The following MDGA1 variants were observed in gnomAD, a reference collection of about 807,000 sequenced individuals.
MDGA1 encodes MAM domain containing glycosylphosphatidylinositol anchor 1.
MDGA1 carries 54 observed loss-of-function variants against 101.5 expected under a neutral mutation model. That is an observed-to-expected ratio of 0.53 (90% CI 0.43 to 0.67). The LOEUF is 0.67. MDGA1 is among the 30% of genes least tolerant of loss of function. MDGA1 has a pLI of 0.00. For synonymous variants in MDGA1, 533 were observed against 558.3 expected (o/e 0.95, Z 0.64); for missense variants, 1,083 against 1,323.8 (o/e 0.82, Z 2.82).
chr6:37,694,662 G>A (rs907115457), intron 1 of MDGA1, among the ~76,000 whole-genome samples: 1 of 99,496 alleles, frequency 1.0e-5, no homozygotes, highest in African/African-American at 5.0e-5. Flanking sequence ...GCGACCTCCT[G>A]TCATCCTCCT....
chr6:37,671,714 G>A lies in MDGA1; in HGVS notation c.68-7608C>T, dbSNP rs529284644. 5.3e-5 allele frequency among the ~76,000 whole-genome samples: 8 copies of A among 152,246 alleles called. No individual in the cohort carries two copies. In the South Asian group the frequency reaches 1.7e-3, roughly 32 times the overall value. ...CCAAAGAGAATTCTCACTGTAATGG[G>A]GGAATTTCATCAAAGACCCCCATCC... is the stretch of plus-strand genomic sequence containing the variant. On this transcript the variant is annotated intron_variant, in intron 1 of 16. Transcript: ENST00000434837.
chr6:37,694,487 T>C (rs1178812599), intron 1 of MDGA1, among the ~76,000 whole-genome samples: 1 of 152,172 alleles, frequency 6.6e-6, no homozygotes, highest in African/African-American at 2.4e-5. Flanking sequence ...CCGCCTTCAC[T>C]CTCATGCTGT....
At chr6:37,664,906 C>CACACAT (rs1761712840) in intron 1 of MDGA1, among the ~76,000 whole-genome samples, 5 of 147,590 alleles carry the variant, frequency 3.4e-5, no homozygotes, top group Non-Finnish European at 3.0e-5. Flanking sequence ...CACACACACA[C>CACACAT]GGCTGCACAT....
chr6:37,649,335 G>A (rs1761302432), intron 8 of MDGA1, 69 bp from the exon 9 acceptor site: 1 of 1,411,634 alleles, frequency 7.1e-7, no homozygotes, highest in Non-Finnish European at 9.2e-7. Context: ...GGCCCGTGGG[G>A]AGGCAACGCG....
chr6:37,640,159 G>A (rs1764031963), intron 14 of MDGA1, among the ~76,000 whole-genome samples: 1 of 152,112 alleles, frequency 6.6e-6, no homozygotes. Flanking sequence ...TGGAGGAGGT[G>A]GTGTTTTTGA....
chr6:37,640,160 G>A (rs1467642781), intron 14 of MDGA1, among the ~76,000 whole-genome samples: 1 of 152,174 alleles, frequency 6.6e-6, no homozygotes, highest in East Asian at 1.9e-4. Context: ...GGAGGAGGTG[G>A]TGTTTTTGAC....
In MDGA1 at chr6:37,693,643, C is replaced by T. The variant is rs76275136; in HGVS notation, c.67+3102G>A. Among the ~76,000 whole-genome samples the T allele has an allele frequency of 2.3e-3, 348 of 152,338 alleles. 1 individual carries two copies. The highest frequency in any genetic ancestry group is 7.8e-3 in the African/African-American group (324 of 41,576). ...AGGCGGGGTGTTCCCTGACGCTATC[C>T]GCATGCAAGATATTCCTCTTCCATC... On this transcript the variant is annotated intron_variant, in intron 1 of 16. Transcript: ENST00000434837.
chr6:37,654,515 G>A lies in MDGA1; in HGVS notation c.741C>T (p.Asn247=), dbSNP rs371894553. Residue 247 remains asparagine, a synonymous_variant, in exon 6 of 17, where the codon AAC becomes AAT. Coordinates refer to ENST00000434837, the MANE Select transcript of MDGA1 (RefSeq NM_153487.4). ...TAPPALKLSV[N]ETLVVNPGEN... is the part of the protein sequence containing the mutation. ...CCCCAGGGTTCACCACCAGAGTTTC[G>A]TTCACAGACAGCTTCAGGGCTGGTG... 4.0e-5 allele frequency: 65 copies of A among 1,613,900 alleles called. No individual in the cohort carries two copies. Among genetic ancestry groups the A allele is most frequent in the African/African-American group, 2.1e-4 (16 of 74,916 alleles).
intron 1 of MDGA1, among the ~76,000 whole-genome samples, chr6:37,690,119 A>G (rs2114109374): frequency 6.6e-6 from 1 of 152,178 alleles, no homozygotes; most frequent in Admixed American, 6.5e-5. Context: ...TGGACTCCTC[A>G]CTGTTGCTCC....
At chr6:37,662,441 C>A (rs1469847979) in intron 2 of MDGA1, among the ~76,000 whole-genome samples, 1 of 151,938 alleles carries the variant, frequency 6.6e-6, no homozygotes, top group Non-Finnish European at 1.5e-5. Flanking sequence ...TCAAGACCAG[C>A]CTGGGTAACA....
chr6:37,695,821 G>A (rs555807349), intron 1 of MDGA1, among the ~76,000 whole-genome samples: 7 of 152,222 alleles, frequency 4.6e-5, no homozygotes, highest in African/African-American at 7.2e-5. Flanking sequence ...GCAAAGTAAG[G>A]GCCACTGGGC....
Position 37,649,111 on chromosome 6 carries a change from G to A in MDGA1, c.1765C>T (p.Pro589Ser), listed in dbSNP as rs1761293731. The A allele has an allele frequency of 6.6e-7, 1 of 1,520,964 alleles. No individual in the cohort carries two copies. The allele number at this position is 1,520,964 out of a possible 1,614,324, so 94.2% of individuals were successfully genotyped here. Residue 589 changes from proline (P) to serine (S), a missense_variant, in exon 9 of 17, where the codon CCC (proline) becomes TCC (serine). Physicochemically the swap from Pro to Ser is moderately conservative, Grantham distance 74. This residue lies in a region of MDGA1 where 657 missense variants were observed against 771.4 expected (regional missense o/e 0.85). Coordinates refer to ENST00000434837, the MANE Select transcript of MDGA1 (RefSeq NM_153487.4). ...GQLLPPPPVV[P>S]AAAEAPDHAE... ...TGATCCGGCGCCTCGGCGGCGGCGG[G>A]AACAACAGGCGGCGGCGGCAGCAGC...
Position 37,638,471 on chromosome 6 carries a change from C to A in MDGA1, c.2667+66G>T. 1 of 1,604,376 alleles carries A rather than the reference C, an allele frequency of 6.2e-7. No homozygotes were observed. The highest frequency in any genetic ancestry group is 8.5e-7 in the Non-Finnish European group (1 of 1,173,936). On this transcript the variant is annotated intron_variant, in intron 15 of 16. Coordinates refer to ENST00000434837, the MANE Select transcript of MDGA1 (RefSeq NM_153487.4). This position sits in a 1 kb window ranked among gnomAD's most constrained non-coding sequence, Gnocchi z 4.8. ...CCCCAGGAAGAAGGACAAGGTTTTC[C>A]TAAGTGTTTCCTGGCCACAGCAACC...
At chr6:37,660,536 C>G (rs1761599399) in intron 2 of MDGA1, among the ~76,000 whole-genome samples, 1 of 152,158 alleles carries the variant, frequency 6.6e-6, no homozygotes, top group South Asian at 2.1e-4. Context: ...CTCTAGGGTA[C>G]TGAGGCCAAC....
chr6:37,665,043 C>CT (rs1457696273), intron 1 of MDGA1, among the ~76,000 whole-genome samples: 2 of 152,192 alleles, frequency 1.3e-5, no homozygotes, highest in Non-Finnish European at 2.9e-5. Flanking sequence ...CGGCTCCTCC[C>CT]TGACCTCTCT....
At chr6:37,688,848 G>A (rs982953741) in intron 1 of MDGA1, among the ~76,000 whole-genome samples, 2 of 152,244 alleles carry the variant, frequency 1.3e-5, no homozygotes, top group Non-Finnish European at 2.9e-5. Flanking sequence ...AGGACCCTCA[G>A]AGGCAACAGG....
intron 1 of MDGA1, among the ~76,000 whole-genome samples, chr6:37,681,014 A>C (rs73734242): frequency 0.093 from 14,080 of 151,834 alleles, 692 homozygotes; most frequent in Middle Eastern, 0.15. Flanking sequence ...CCCCCAGGAA[A>C]CCTGGGCAGG....
chr6:37,658,402 CG>C lies in MDGA1; in HGVS notation c.224del (p.Thr75ArgfsTer60), dbSNP rs1331750854. 6.2e-7 allele frequency: 1 copy of C among 1,609,532 alleles called. No individual in the cohort carries two copies. Among genetic ancestry groups the C allele is most frequent in the Non-Finnish European group, 8.5e-7 (1 of 1,178,098 alleles). Reference sequence around the variant, plus strand: ...GGAACTTGTCCGAGGCGCTACCTGCCGTCTTGGTCCACCGTACCTGGGCCGC... The same window carrying C: ...GGAACTTGTCCGAGGCGCTACCTGCCTCTTGGTCCACCGTACCTGGGCCGC... ...HPRPQVRWTK[T>X]AGSASDKFQE... On this transcript the variant is annotated frameshift_variant, in exon 3 of 17. Transcript: ENST00000434837. LOFTEE classifies it high-confidence loss of function.
At chr6:37,647,129 CCA>C (rs1761222240) in intron 10 of MDGA1, 42 bp downstream of exon 10, 1 of 1,544,764 alleles carries the variant, frequency 6.5e-7, no homozygotes, top group Non-Finnish European at 8.8e-7. Flanking sequence ...GTCAGCCACA[CCA>C]CACTCCACCT....
Sources: gnomAD v4.1 joint callset for allele counts (sites outside exome capture counted in the v4.1 genomes callset) on GRCh38, gnomAD v4.1.1 for gene constraint, gnomAD v4.1.1 regional missense constraint, Gnocchi (gnomAD v3.1) non-coding constraint, MANE v1.5 for transcripts, NCBI Gene and HGNC (gene_info 2026-07-23, HGNC 2026-07-21) for gene names.